CAMK1D: variants seen among roughly 807,000 people sequenced by gnomAD.
The protein encoded by CAMK1D is calcium/calmodulin-dependent protein kinase type 1D.
CAMK1D carries 9 observed loss-of-function variants against 47.7 expected under a neutral mutation model. The observed-to-expected ratio is 0.19, with a 90% confidence interval of 0.11 to 0.33. The LOEUF (loss-of-function observed/expected upper bound fraction) is 0.33. Ranked by LOEUF, CAMK1D falls within the 10% of genes least tolerant of loss-of-function variation. CAMK1D has a pLI of 1.00. For synonymous variants in CAMK1D, 184 were observed against 184.9 expected (o/e 0.99, Z 0.04); for missense variants, 291 against 488.7 (o/e 0.60, Z 3.81).
chr10:12,793,016 G>A lies in CAMK1D; in HGVS notation c.641+1783G>A, dbSNP rs150262193. ...CACAATTTTGCATACCATTTTCTCG[G>A]GGGGTGTGGTCATTGTCCTGGGTAA... On this transcript the variant is annotated intron_variant, in intron 6 of 10. Coordinates refer to ENST00000619168, the MANE Select transcript of CAMK1D (RefSeq NM_153498.4). Among the ~76,000 whole-genome samples the A allele has an allele frequency of 1.7e-3, 253 of 152,024 alleles. 1 individual carries two copies. Among genetic ancestry groups the A allele is most frequent in the Non-Finnish European group, 3.0e-3 (202 of 67,982 alleles).
chr10:12,735,143 G>A (rs916802075), intron 3 of CAMK1D, among the ~76,000 whole-genome samples: 2 of 152,204 alleles, frequency 1.3e-5, no homozygotes, highest in Non-Finnish European at 2.9e-5. Context: ...CGAGAGATAA[G>A]TGGAATAATT....
intron 2 of CAMK1D, among the ~76,000 whole-genome samples, chr10:12,607,154 C>T (rs887094747): frequency 2.6e-5 from 4 of 152,154 alleles, no homozygotes; most frequent in Non-Finnish European, 1.5e-5. Context: ...AAGCCCAGTT[C>T]CATCTCTCTC....
chr10:12,498,192 G>A (rs1834598576), intron 1 of CAMK1D, among the ~76,000 whole-genome samples: 1 of 152,200 alleles, frequency 6.6e-6, no homozygotes, highest in Non-Finnish European at 1.5e-5. Context: ...ATCAGGAAGG[G>A]CGGGAGAAAA....
intron 3 of CAMK1D, among the ~76,000 whole-genome samples, chr10:12,670,553 A>T (rs890855619): frequency 2.0e-5 from 3 of 147,582 alleles, no homozygotes; most frequent in East Asian, 2.0e-4. Context: ...GTACAATGAA[A>T]TTTTTTTTTT....
chr10:12,491,667 A>G (rs573565689), intron 1 of CAMK1D, among the ~76,000 whole-genome samples: 1 of 152,246 alleles, frequency 6.6e-6, no homozygotes, highest in East Asian at 1.9e-4. Flanking sequence ...ATGAACTGAA[A>G]TCATGAGCAT....
chr10:12,573,085 A>G (rs1837376306), intron 2 of CAMK1D, among the ~76,000 whole-genome samples: 1 of 152,226 alleles, frequency 6.6e-6, no homozygotes, highest in Non-Finnish European at 1.5e-5. Flanking sequence ...GCAAAGAAGA[A>G]AGGCAAGACA....
At chr10:12,358,262 G>A (rs910265723) in intron 1 of CAMK1D, among the ~76,000 whole-genome samples, 1 of 152,182 alleles carries the variant, frequency 6.6e-6, no homozygotes, top group African/African-American at 2.4e-5. Context: ...GAGGGACCCA[G>A]TACAGTGGCT....
intron 6 of CAMK1D, among the ~76,000 whole-genome samples, chr10:12,797,511 C>T (rs999569224): frequency 3.3e-5 from 5 of 152,086 alleles, no homozygotes; most frequent in African/African-American, 4.8e-5. Context: ...CCAGCCCCTA[C>T]TGACCAGTTC....
chr10:12,533,272 T>C (rs1412539609), intron 1 of CAMK1D, among the ~76,000 whole-genome samples: 4 of 152,314 alleles, frequency 2.6e-5, no homozygotes, highest in Admixed American at 6.5e-5. Context: ...ACTTTGTTTA[T>C]TGGCAGTGGT....
At chr10:12,517,797 G>A (rs181949025) in intron 1 of CAMK1D, among the ~76,000 whole-genome samples, 59 of 152,128 alleles carry the variant, frequency 3.9e-4, no homozygotes, top group African/African-American at 1.3e-3. Flanking sequence ...GAAGTTTTGT[G>A]TCTGTGCTCA....
At chr10:12,711,179 C>A (rs151129282) in intron 3 of CAMK1D, among the ~76,000 whole-genome samples, 1 of 152,100 alleles carries the variant, frequency 6.6e-6, no homozygotes, top group Non-Finnish European at 1.5e-5. Flanking sequence ...AAGAGAAAAC[C>A]GCCTGTTTCA....
intron 5 of CAMK1D, among the ~76,000 whole-genome samples, chr10:12,788,819 C>G (rs1336593510): frequency 6.6e-6 from 1 of 152,242 alleles, no homozygotes; most frequent in African/African-American, 2.4e-5. Context: ...GTTGAGTTCC[C>G]TCACTTTGTA....
chr10:12,570,000 G>C (rs1837272031), intron 2 of CAMK1D, among the ~76,000 whole-genome samples: 1 of 152,066 alleles, frequency 6.6e-6, no homozygotes, highest in Admixed American at 6.5e-5. Context: ...AGGAGTTTGA[G>C]ACCAGCCTGA....
intron 8 of CAMK1D, among the ~76,000 whole-genome samples, chr10:12,817,843 A>ATG (rs1832858450): frequency 1.3e-5 from 2 of 152,100 alleles, no homozygotes; most frequent in Non-Finnish European, 2.9e-5. Context: ...AGGCACCACC[A>ATG]TGCCCAGCTA....
At chr10:12,647,424 C>T (rs956337552) in intron 2 of CAMK1D, among the ~76,000 whole-genome samples, 3 of 152,272 alleles carry the variant, frequency 2.0e-5, no homozygotes, top group African/African-American at 4.8e-5. Context: ...GCTAGGATTA[C>T]AGGCATGAGC....
chr10:12,835,189 T>C lies in CAMK1D; in HGVS notation c.*6302T>C, dbSNP rs1833485294. On this transcript the variant is annotated 3_prime_UTR_variant, in exon 11 of 11. Coordinates refer to ENST00000619168, the MANE Select transcript of CAMK1D (RefSeq NM_153498.4). Reference sequence around the variant, plus strand: ...AATTGGCTTTTGTCACTACACATAATGTAATCTCCCTTCTTTCAGCTCCCC... The same window carrying C: ...AATTGGCTTTTGTCACTACACATAACGTAATCTCCCTTCTTTCAGCTCCCC... 1 of 152,218 alleles carries C rather than the reference T, an allele frequency of 6.6e-6. No homozygotes were observed. 9.4% of individuals were successfully genotyped at this position (152,218 alleles called of 1,614,324 possible).
intron 1 of CAMK1D, among the ~76,000 whole-genome samples, chr10:12,515,070 C>G (rs1378430617): frequency 1.3e-5 from 2 of 151,906 alleles, no homozygotes; most frequent in Non-Finnish European, 2.9e-5. Flanking sequence ...GCCATGTTGG[C>G]CAGGCTGGTC....
rs556612446 is a variant in CAMK1D at position 12,616,578 on chromosome 10, T to C, written c.225-50158T>C. ...TGTCTCCCAGGCTGGGGTGCAGTGG[T>C]GTGATCTCGGCTCACTGCAAGCTCC... On this transcript the variant is annotated intron_variant, in intron 2 of 10. Transcript: ENST00000619168. Among the ~76,000 whole-genome samples, 566 of 152,006 alleles carry C rather than the reference T, an allele frequency of 3.7e-3. 3 individuals are homozygous for C. The highest frequency in any genetic ancestry group is 9.4e-3 in the African/African-American group (390 of 41,528).
chr10:12,650,453 T>G (rs1003068115), intron 2 of CAMK1D, among the ~76,000 whole-genome samples: 3 of 152,234 alleles, frequency 2.0e-5, no homozygotes, highest in African/African-American at 7.2e-5. Context: ...TTTCAGGGAC[T>G]GTGTTTTATC....
Sources: allele counts gnomAD v4.1 joint callset (sites outside exome capture counted in the v4.1 genomes callset), GRCh38; gene constraint gnomAD v4.1.1; transcripts MANE v1.5; gene names NCBI Gene and HGNC (gene_info 2026-07-23, HGNC 2026-07-21).